MACF1: variants seen among roughly 807,000 people sequenced by gnomAD.
The protein encoded by MACF1 is microtubule-actin cross-linking factor 1.
In MACF1, 193 loss-of-function variants were observed where a neutral mutation model predicts 854.8. The observed-to-expected ratio is 0.23, with a 90% CI of 0.20 to 0.25. MACF1 has a LOEUF of 0.25. Among genes scored for constraint, MACF1 ranks in the 10% least tolerant of loss-of-function variants. MACF1 has a pLI of 1.00. For missense variants in MACF1, 7,722 were observed against 8,929.1 expected, an observed-to-expected ratio of 0.86 and a Z score of 5.45; for synonymous variants, 3,185 against 3,226.7, an observed-to-expected ratio of 0.99 and a Z score of 0.44.
intron 2 of MACF1, among the ~76,000 whole-genome samples, chr1:39,089,199 A>T (rs934821272): frequency 2.7e-5 from 4 of 149,884 alleles, no homozygotes; most frequent in Admixed American, 6.7e-5. Flanking sequence ...CCCTGTCTCT[A>T]TTTTTTTTTT....
At chr1:39,429,503 C>T (rs1027144691) in intron 64 of MACF1, among the ~76,000 whole-genome samples, 177 bp downstream of exon 64, 1 of 152,086 alleles carries the variant, frequency 6.6e-6, no homozygotes, top group African/African-American at 2.4e-5. Flanking sequence ...CTTTTGAAAA[C>T]TAAGTTATCT....
At chr1:39,428,391 A>G in intron 63 of MACF1, 104 bp downstream of exon 63, 1 of 1,133,448 alleles carries the variant, frequency 8.8e-7, no homozygotes, top group Admixed American at 2.8e-5. Flanking sequence ...AAACACTTCA[A>G]CTTTATTTTA....
intron 6 of MACF1, among the ~76,000 whole-genome samples, chr1:39,259,208 GTCTCATAGGT>G (rs1557548538): frequency 6.6e-6 from 1 of 152,288 alleles, no homozygotes; most frequent in East Asian, 1.9e-4. Context: ...CCCAATGTTT[GTCTCATAGGT>G]GGGAGGTAAG....
chr1:39,292,915 T>G (rs1645824608), intron 17 of MACF1, 72 bp downstream of exon 17: 1 of 1,267,208 alleles, frequency 7.9e-7, no homozygotes, highest in African/African-American at 1.5e-5. Context: ...TCTTCCGTAA[T>G]TCAGAAATCT....
In MACF1 at chr1:39,336,163, C is replaced by G; in HGVS notation, c.9575C>G (p.Ser3192Cys). The G allele has an allele frequency of 6.2e-7, 1 of 1,614,124 alleles. No homozygotes were observed. The highest frequency in any genetic ancestry group is 8.5e-7 in the Non-Finnish European group (1 of 1,180,012). Residue 3192 changes from serine to cysteine, a missense_variant, in exon 37 of 101, where the codon TCT becomes TGT. This residue lies in a region of MACF1 where 854 missense variants were observed against 852.6 expected (regional missense o/e 1.00). Coordinates refer to ENST00000564288, the MANE Select transcript of MACF1 (RefSeq NM_001394062.1). ...RGLKLEEITV[S>C]RPDSKEVRYL... ...CTTAAATTGGAAGAAATCACAGTTTCTAGACCAGATTCAAAAGAAGTCAGG... is the reference window on the plus strand; with the variant it reads ...CTTAAATTGGAAGAAATCACAGTTTGTAGACCAGATTCAAAAGAAGTCAGG...
In MACF1 at chr1:39,372,376, T is replaced by C. The variant is rs78335463; in HGVS notation, c.13096-103T>C. On this transcript the variant is annotated intron_variant, in intron 51 of 100. Transcript: ENST00000564288. ...ATAAATAAATCAGAAGGATGGTCTC[T>C]TAATGCTTTTCAAAACACTAGGGAG... 3.5e-3 allele frequency: 2,333 copies of C among 660,734 alleles called. 36 individuals carry two copies. The African/African-American group carries it at 0.038, about 11-fold the overall frequency. The allele number at this position is 660,734 out of a possible 1,614,324, so 40.9% of individuals were successfully genotyped here.
chr1:39,438,946 G>A (rs148010241), intron 71 of MACF1, among the ~76,000 whole-genome samples: 2 of 151,214 alleles, frequency 1.3e-5, no homozygotes, highest in African/African-American at 4.9e-5. Context: ...AGCCAGGCAT[G>A]GTGGCACATG....
At chr1:39,477,077 A>ATACACACACACATATATACACTTAGTG (rs1557675035) in intron 97 of MACF1, among the ~76,000 whole-genome samples, 3 of 19,242 alleles carry the variant, frequency 1.6e-4, no homozygotes, top group African/African-American at 5.5e-4. Flanking sequence ...ATATATATAT[A>ATACACACACACATATATACACTTAGTG]TATATATATA....
At chr1:39,369,026 A>G (rs1487852070) in intron 50 of MACF1, among the ~76,000 whole-genome samples, 2 of 125,398 alleles carry the variant, frequency 1.6e-5, no homozygotes, top group African/African-American at 6.4e-5. Context: ...TTTTAAAGAT[A>G]TGGGGTCTTG....
At position 39,387,370 on chromosome 1, in the gene MACF1, T is replaced by C. The variant is rs1384681252; in HGVS notation, c.14528T>C (p.Leu4843Pro). 1 of 1,614,210 alleles carries C rather than the reference T, an allele frequency of 6.2e-7. No homozygotes were observed. Among genetic ancestry groups the C allele is most frequent in the Non-Finnish European group, 8.5e-7 (1 of 1,180,036 alleles). The stretch of plus-strand genomic sequence containing the variant: ...GAGAATGAAGAGTTTCAGAAAAGTC[T>C]TAATCAACACAGTGGCTCCTATGAG... ...LQENEEFQKS[L>P]NQHSGSYEVI... The change falls in exon 58 of 101, where the codon CTT becomes CCT. Residue 4843 changes from leucine (L) to proline (P), a missense_variant. Leu to Pro is a moderately conservative substitution (Grantham distance 98). This residue lies in a region of MACF1 where 2,807 missense variants were observed against 3,235.8 expected (regional missense o/e 0.87). Transcript: ENST00000564288.
chr1:39,196,804 GT>G (rs1425854278), intron 2 of MACF1, among the ~76,000 whole-genome samples: 1 of 152,176 alleles, frequency 6.6e-6, no homozygotes, highest in Non-Finnish European at 1.5e-5. Context: ...GCACAGGCTT[GT>G]TTTGCTTGCA....
Position 39,485,812 on chromosome 1 carries a change from C to G in MACF1, c.*18C>G. ...AGCGATAACACTGTCTAAGCACCCC[C>G]AAGCCACTATCCACTTTGAATCCTG... On this transcript the variant is annotated 3_prime_UTR_variant, in exon 101 of 101. Coordinates refer to ENST00000564288, the MANE Select transcript of MACF1 (RefSeq NM_001394062.1). The G allele has an allele frequency of 6.5e-7, 1 of 1,539,468 alleles. No homozygotes were observed. The highest frequency in any genetic ancestry group is 2.0e-5 in the Admixed American group (1 of 50,290).
chr1:39,465,063 T>C lies in MACF1; in HGVS notation c.21754-32T>C, dbSNP rs778054553. On this transcript the variant is annotated intron_variant, in intron 94 of 100. Coordinates refer to ENST00000564288, the MANE Select transcript of MACF1 (RefSeq NM_001394062.1). ...ATGTTCTCTTTTTTTTTCCCCTCCT[T>C]TCCTCCATCCTTTACTCTTTACTGT... 2.5e-6 allele frequency: 4 copies of C among 1,605,120 alleles called. No individual in the cohort carries two copies. The South Asian group carries it at 4.4e-5, about 18-fold the overall frequency.
intron 21 of MACF1, chr1:39,298,746 C>T: frequency 5.1e-6 from 2 of 389,112 alleles, no homozygotes; most frequent in Non-Finnish European, 1.0e-5. Flanking sequence ...GGATGAAAAC[C>T]TGACTTTTCA....
At position 39,387,942 on chromosome 1, in the gene MACF1, G is replaced by A; in HGVS notation, c.15100G>A (p.Glu5034Lys). ...KKVEGAKHQL[E>K]IFDALGSQAC... ...GGTTGAAGGAGCCAAACACCAACTTGAGATCTTTGATGCTCTGGGTTCTCA... is the reference window on the plus strand; with the variant it reads ...GGTTGAAGGAGCCAAACACCAACTTAAGATCTTTGATGCTCTGGGTTCTCA... Residue 5034 changes from glutamate (E) to lysine (K), a missense_variant, in exon 58 of 101, where the codon GAG (glutamate) becomes AAG (lysine). Physicochemically the swap from Glu to Lys is moderately conservative, Grantham distance 56 (BLOSUM62 1). This residue lies in a region of MACF1 where 2,807 missense variants were observed against 3,235.8 expected (regional missense o/e 0.87). Coordinates refer to ENST00000564288, the MANE Select transcript of MACF1 (RefSeq NM_001394062.1). 8 of 1,614,052 alleles carry A rather than the reference G, an allele frequency of 5.0e-6. No individual in the cohort carries two copies. The highest frequency in any genetic ancestry group is 6.8e-6 in the Non-Finnish European group (8 of 1,180,030).
chr1:39,271,263 G>A (rs1645314255), intron 6 of MACF1, among the ~76,000 whole-genome samples: 1 of 152,168 alleles, frequency 6.6e-6, no homozygotes, highest in Non-Finnish European at 1.5e-5. Flanking sequence ...AGAGGCCTGA[G>A]GAAACTTACA....
At chr1:39,304,566 T>C (rs544419526) in intron 23 of MACF1, 2 of 359,206 alleles carry the variant, frequency 5.6e-6, no homozygotes, top group African/African-American at 2.3e-5. Flanking sequence ...CTTTTCTTTC[T>C]TTTTTTTTTT....
chr1:39,467,373 G>T (rs1203244562), intron 95 of MACF1, among the ~76,000 whole-genome samples: 2 of 151,886 alleles, frequency 1.3e-5, no homozygotes, highest in Non-Finnish European at 2.9e-5. Flanking sequence ...TCAAAAAAAA[G>T]AAAAAGAAAA....
intron 55 of MACF1, among the ~76,000 whole-genome samples, 182 bp from the exon 56 acceptor site, chr1:39,381,771 A>T (rs1650242497): frequency 6.6e-6 from 1 of 152,142 alleles, no homozygotes; most frequent in Non-Finnish European, 1.5e-5. Context: ...TTGAGACTTC[A>T]GTGAGCCATG....
Sources: allele counts gnomAD v4.1 joint callset (sites outside exome capture counted in the v4.1 genomes callset), GRCh38; gene constraint gnomAD v4.1.1; regional missense constraint gnomAD v4.1.1; transcripts MANE v1.5; gene names NCBI Gene and HGNC (gene_info 2026-07-23, HGNC 2026-07-21).